The following MACROD2 variants were observed in gnomAD, a reference collection of about 807,000 sequenced individuals.
MACROD2 encodes the protein ADP-ribose glycohydrolase MACROD2.
In MACROD2, 36 loss-of-function variants were observed where a neutral mutation model predicts 70.4. The ratio of observed to expected loss-of-function variants is 0.51; its 90% CI spans 0.39 to 0.68. MACROD2 has a LOEUF of 0.68. MACROD2 is among the 30% of genes least tolerant of loss of function. MACROD2 has a pLI of 0.00. For missense variants in MACROD2, 496 were observed against 538.4 expected, an observed-to-expected ratio of 0.92 and a Z score of 0.78; for synonymous variants, 172 against 178.8, an observed-to-expected ratio of 0.96 and a Z score of 0.30.
At chr20:14,530,391 T>C (rs983063329) in intron 4 of MACROD2, among the ~76,000 whole-genome samples, 2 of 152,182 alleles carry the variant, frequency 1.3e-5, no homozygotes, top group African/African-American at 4.8e-5. Flanking sequence ...GGATGGAGAT[T>C]TGTTTCGTCA....
chr20:14,974,947 A>T lies in MACROD2; in HGVS notation c.419-254993A>T, dbSNP rs182165757. On this transcript the variant is annotated intron_variant, in intron 5 of 17. Transcript: ENST00000684519. ...AATGACAGACAAGCTAGACCCTTGG[A>T]TAATGGATTTATTTAGATCAGAGTT... 2.3e-4 allele frequency among the ~76,000 whole-genome samples: 35 copies of T among 152,256 alleles called. 1 individual carries two copies. Among genetic ancestry groups the T allele is most frequent in the Admixed American group, 6.5e-4 (10 of 15,298 alleles).
chr20:15,215,516 A>G (rs1457666150), intron 5 of MACROD2, among the ~76,000 whole-genome samples: 1 of 152,062 alleles, frequency 6.6e-6, no homozygotes, highest in Non-Finnish European at 1.5e-5. Flanking sequence ...CAAGGAATTG[A>G]TTATTTGCAT....
At chr20:15,551,337 TAAA>T (rs149415845) in intron 8 of MACROD2, among the ~76,000 whole-genome samples, 6 of 143,568 alleles carry the variant, frequency 4.2e-5, no homozygotes, top group African/African-American at 1.5e-4. Flanking sequence ...ATTTAATATT[TAAA>T]AAAAAAAAAA....
intron 6 of MACROD2, among the ~76,000 whole-genome samples, chr20:15,378,432 T>G (rs2045595980): frequency 6.6e-6 from 1 of 152,002 alleles, no homozygotes; most frequent in Admixed American, 6.6e-5. Context: ...CTGGAGAAAC[T>G]TTAAAGGAAA....
intron 5 of MACROD2, among the ~76,000 whole-genome samples, chr20:15,021,278 G>GCACACCTGTGTGTGTGTATACA (rs2075180208): frequency 2.3e-5 from 2 of 85,946 alleles, no homozygotes; most frequent in Non-Finnish European, 4.9e-5. Flanking sequence ...GTGTGTATAC[G>GCACACCTGTGTGTGTGTATACA]CACACCTGTG....
At chr20:15,828,199 A>G (rs1327426364) in intron 8 of MACROD2, among the ~76,000 whole-genome samples, 1 of 152,202 alleles carries the variant, frequency 6.6e-6, no homozygotes, top group Non-Finnish European at 1.5e-5. Flanking sequence ...TCATTCCACA[A>G]TGTATACATA....
chr20:14,715,441 G>T (rs573091924), intron 5 of MACROD2, among the ~76,000 whole-genome samples: 1 of 152,250 alleles, frequency 6.6e-6, no homozygotes, highest in African/African-American at 2.4e-5. Flanking sequence ...AAATACATTT[G>T]GCACTGATTT....
At chr20:16,039,395 A>G (rs78667856) in intron 15 of MACROD2, among the ~76,000 whole-genome samples, 1,707 of 151,768 alleles carry the variant, frequency 0.011, 30 homozygotes, top group African/African-American at 0.038. Flanking sequence ...CCATTTTCCT[A>G]TTAAGTTGGT....
chr20:14,518,836 A>T (rs566425950), intron 4 of MACROD2, among the ~76,000 whole-genome samples: 1 of 152,202 alleles, frequency 6.6e-6, no homozygotes, highest in Non-Finnish European at 1.5e-5. Flanking sequence ...TAAGAGAGGA[A>T]GCACAGATAT....
chr20:14,181,974 A>G lies in MACROD2; in HGVS notation c.271+96246A>G, dbSNP rs73259165. Among the ~76,000 whole-genome samples the G allele has an allele frequency of 4.3e-3, 650 of 152,244 alleles. 7 individuals carry two copies. Among genetic ancestry groups the G allele is most frequent in the African/African-American group, 0.015 (616 of 41,544 alleles). On this transcript the variant is annotated intron_variant, in intron 3 of 17. Transcript: ENST00000684519. The stretch of plus-strand genomic sequence containing the variant: ...TATTTGTTTGCAAGATTTTGTGTGG[A>G]TATCTTTTCAGTTCTCTTGGTTAGA...
rs369156616 is a variant in MACROD2, at chr20:14,702,735, A to T, written c.418+17776A>T. Among the ~76,000 whole-genome samples, 678 of 143,586 alleles carry T rather than the reference A, an allele frequency of 4.7e-3. 14 individuals carry two copies. The highest frequency in any genetic ancestry group is 9.1e-3 in the Admixed American group (129 of 14,102). 94.2% of individuals were successfully genotyped at this position (143,586 alleles called of 152,430 possible). A position where few individuals can be genotyped will look rare whatever the true frequency, so the allele number is the denominator to read the frequency against. ...TGTATATATATGTGTATATATATATATTTTTTTTTGAGACGGAGTTTTTCT... is the reference window on the plus strand; with the variant it reads ...TGTATATATATGTGTATATATATATTTTTTTTTTTGAGACGGAGTTTTTCT... On this transcript the variant is annotated intron_variant, in intron 5 of 17. Coordinates refer to ENST00000684519, the MANE Select transcript of MACROD2 (RefSeq NM_001351661.2).
At chr20:14,895,980 C>T (rs562368213) in intron 5 of MACROD2, among the ~76,000 whole-genome samples, 80 of 152,240 alleles carry the variant, frequency 5.3e-4, no homozygotes, top group African/African-American at 1.9e-3. Flanking sequence ...ATTGGAAATG[C>T]GTTAGGTCAA....
chr20:14,994,616 G>A (rs1039737288), intron 5 of MACROD2, among the ~76,000 whole-genome samples: 1 of 151,730 alleles, frequency 6.6e-6, no homozygotes, highest in Non-Finnish European at 1.5e-5. Context: ...TAAATAAAAA[G>A]GAAATAGAAA....
At chr20:15,603,522 A>G (rs542035973) in intron 8 of MACROD2, among the ~76,000 whole-genome samples, 1 of 145,162 alleles carries the variant, frequency 6.9e-6, no homozygotes, top group South Asian at 2.2e-4. Context: ...AAAAAAAAAA[A>G]GATATAAGGG....
At chr20:14,663,494 A>T (rs1054518263) in intron 4 of MACROD2, among the ~76,000 whole-genome samples, 1 of 150,842 alleles carries the variant, frequency 6.6e-6, no homozygotes, top group Non-Finnish European at 1.5e-5. Flanking sequence ...AAATGAAAAC[A>T]TAATAAAAAT....
chr20:15,981,632 C>A (rs2066401526), intron 13 of MACROD2, among the ~76,000 whole-genome samples: 1 of 152,098 alleles, frequency 6.6e-6, no homozygotes, highest in African/African-American at 2.4e-5. Flanking sequence ...TTAGTCTTTC[C>A]TGGAATCTTA....
rs542411747 is a variant in MACROD2, at chr20:15,738,333, A to C, written c.646-124412A>C. On this transcript the variant is annotated intron_variant, in intron 8 of 17. Coordinates refer to ENST00000684519, the MANE Select transcript of MACROD2 (RefSeq NM_001351661.2). ...AATAAATACACCTACTATGTAAAAA[A>C]GAAAGTGAGACAGAAGTAAAGATTA... Among the ~76,000 whole-genome samples the C allele has an allele frequency of 2.3e-4, 35 of 152,314 alleles. 1 individual carries two copies. Among genetic ancestry groups the C allele is most frequent in the South Asian group, 1.5e-3 (7 of 4,822 alleles).
At chr20:15,782,770 AC>A (rs2051856595) in intron 8 of MACROD2, among the ~76,000 whole-genome samples, 1 of 147,046 alleles carries the variant, frequency 6.8e-6, no homozygotes, top group Admixed American at 6.9e-5. Context: ...TAGACTGCAT[AC>A]CAGTTATTTA....
chr20:15,548,366 G>A (rs1282777542), intron 8 of MACROD2, among the ~76,000 whole-genome samples: 23 of 151,870 alleles, frequency 1.5e-4, no homozygotes, highest in Non-Finnish European at 1.3e-4. Context: ...CCCTTGAATC[G>A]GGGCCAAACT....
Sources: gnomAD v4.1 joint callset for allele counts (sites outside exome capture counted in the v4.1 genomes callset) on GRCh38, gnomAD v4.1.1 for gene constraint, MANE v1.5 for transcripts, NCBI Gene and HGNC (gene_info 2026-07-23, HGNC 2026-07-21) for gene names.